The following EP300 variants were observed in gnomAD, a reference collection of about 807,000 sequenced individuals.
The protein encoded by EP300 is histone acetyltransferase p300.
Under a neutral mutation model 264.0 loss-of-function variants are expected in EP300, and 31 were observed. The ratio of observed to expected loss-of-function variants is 0.12; its 90% CI spans 0.09 to 0.16. EP300 has a LOEUF of 0.16. Among genes scored for constraint, EP300 ranks in the 10% least tolerant of loss-of-function variants. The pLI is 1.00. For missense variants in EP300, 2,766 were observed against 3,052.9 expected (o/e 0.91, Z 2.21); for synonymous variants, 1,340 against 1,045.4 (o/e 1.28, Z -5.44).
chr22:41,136,607 G>A (rs1290503762), intron 7 of EP300, among the ~76,000 whole-genome samples: 1 of 152,076 alleles, frequency 6.6e-6, no homozygotes, highest in Non-Finnish European at 1.5e-5. Flanking sequence ...GCTCTGGTGA[G>A]CCGTGATTAC....
intron 11 of EP300, 152 bp from the exon 12 acceptor site, chr22:41,147,685 C>G (rs559342084): frequency 6.6e-6 from 4 of 609,692 alleles, no homozygotes; most frequent in Admixed American, 2.4e-5. Flanking sequence ...TTGCAGTGAG[C>G]GGAGATTGCG....
intron 2 of EP300, among the ~76,000 whole-genome samples, chr22:41,119,173 T>TA (rs2058838148): frequency 1.4e-5 from 1 of 70,780 alleles, no homozygotes; most frequent in African/African-American, 6.3e-5. Flanking sequence ...TGGCTTATTA[T>TA]TATTTTTTTT....
In EP300 at chr22:41,117,303, G is replaced by A; in HGVS notation, c.211G>A (p.Val71Ile). Residue 71 changes from valine (V) to isoleucine (I), a missense_variant, in exon 2 of 31, where the codon GTA (valine) becomes ATA (isoleucine). Physicochemically the swap from Val to Ile is conservative, Grantham distance 29. Transcript: ENST00000263253. ...TCAGCTTCAGACAAGTCTTGGCATG[G>A]TACAAGATGCAGCTTCTAAACATAA... ...INQLQTSLGM[V>I]QDAASKHKQL... The A allele has an allele frequency of 6.2e-7, 1 of 1,614,180 alleles. No individual in the cohort carries two copies. Among genetic ancestry groups the A allele is most frequent in the Non-Finnish European group, 8.5e-7 (1 of 1,180,032 alleles).
chr22:41,162,398 C>G (rs539970071), intron 20 of EP300, among the ~76,000 whole-genome samples: 197 of 152,164 alleles, frequency 1.3e-3, no homozygotes, highest in African/African-American at 4.7e-3. Context: ...GTGTGTTATG[C>G]TGGGTTTCAG....
Position 41,120,357 on chromosome 22 carries a change from C to T in EP300, c.729+2536C>T, listed in dbSNP as rs146658516. Among the ~76,000 whole-genome samples, 42 of 152,250 alleles carry T rather than the reference C, an allele frequency of 2.8e-4. No individual in the cohort carries two copies. In the Middle Eastern group the frequency reaches 0.01, roughly 37 times the overall value. ...TTATCCTTGTGTCGTGGCACACCCACGCCAGCAGTTGCCCTTCCACTGTAC... is the reference window on the plus strand; with the variant it reads ...TTATCCTTGTGTCGTGGCACACCCATGCCAGCAGTTGCCCTTCCACTGTAC... On this transcript the variant is annotated intron_variant, in intron 2 of 30. Coordinates refer to ENST00000263253, the MANE Select transcript of EP300 (RefSeq NM_001429.4).
intron 2 of EP300, among the ~76,000 whole-genome samples, chr22:41,125,058 C>A (rs1012402479): frequency 6.6e-6 from 1 of 151,422 alleles, no homozygotes; most frequent in Admixed American, 6.6e-5. Context: ...CCTACCTCAG[C>A]CTCCTGAGTA....
At position 41,170,653 on chromosome 22, in the gene EP300, C is replaced by CT. The variant is rs35506286; in HGVS notation, c.4452+108dup. On this transcript the variant is annotated intron_variant, in intron 27 of 30. Transcript: ENST00000263253. ...TGCTGCTCTTTGTTCTGTCATTTAACTTTTTTTTTTTTTTTTTTTTTTTTT... is the reference window on the plus strand; with the variant it reads ...TGCTGCTCTTTGTTCTGTCATTTAACTTTTTTTTTTTTTTTTTTTTTTTTTT... 0.12 allele frequency: 45,950 copies of CT among 375,264 alleles called. 1,898 individuals carry two copies. The highest frequency in any genetic ancestry group is 0.16 in the East Asian group (2,707 of 17,078). The allele number at this position is 375,264 out of a possible 1,614,324, so 23.2% of individuals were successfully genotyped here. A position where few individuals can be genotyped will look rare whatever the true frequency, so the allele number is the denominator to read the frequency against.
chr22:41,117,154 A>T, intron 1 of EP300, 33 bp from the exon 2 acceptor site: 1 of 1,601,084 alleles, frequency 6.2e-7, no homozygotes, highest in Non-Finnish European at 8.6e-7. Context: ...GTTTTGTCAT[A>T]CTTTGACCTT....
intron 2 of EP300, among the ~76,000 whole-genome samples, chr22:41,121,518 C>T (rs1197411824): frequency 6.6e-6 from 1 of 151,978 alleles, no homozygotes; most frequent in African/African-American, 2.4e-5. Flanking sequence ...CTTTTTTGGT[C>T]ACAGTGACCA....
chr22:41,112,270 ACCTCTG>A (rs1345936677), intron 1 of EP300, among the ~76,000 whole-genome samples: 2 of 150,644 alleles, frequency 1.3e-5, no homozygotes, highest in Non-Finnish European at 2.9e-5. Context: ...GCTCACTGCA[ACCTCTG>A]CTCCCCTGGG....
rs1352652949 is a variant in EP300 at position 41,149,146 on chromosome 22, C to T, written c.2350C>T (p.Pro784Ser). The change falls in exon 13 of 31, where the codon CCG becomes TCG. Residue 784 changes from proline to serine, a missense_variant. Transcript: ENST00000263253. ...GMNVTNIPLA[P>S]SSGQAPVSQA... ...GAATGTAACAAATATCCCTTTGGCT[C>T]CGTCCAGCGGTCAAGCTCCAGTGTC... 4 of 1,613,874 alleles carry T rather than the reference C, an allele frequency of 2.5e-6. No individual in the cohort carries two copies. Among genetic ancestry groups the T allele is most frequent in the Non-Finnish European group, 3.4e-6 (4 of 1,179,992 alleles).
At chr22:41,107,861 C>T (rs893661877) in intron 1 of EP300, among the ~76,000 whole-genome samples, 2 of 151,674 alleles carry the variant, frequency 1.3e-5, no homozygotes, top group African/African-American at 4.8e-5. Context: ...CCACCACACC[C>T]AGCTAATTTT....
At chr22:41,153,971 T>C (rs556725178) in intron 16 of EP300, among the ~76,000 whole-genome samples, 34 of 152,220 alleles carry the variant, frequency 2.2e-4, no homozygotes, top group African/African-American at 7.9e-4. Context: ...CTTGCTGAAA[T>C]TGAAAGCTTT....
Position 41,178,388 on chromosome 22 carries a change from G to A in EP300, c.6677G>A (p.Arg2226Gln), listed in dbSNP as rs372813939. The A allele has an allele frequency of 1.6e-5, 26 of 1,613,980 alleles. No individual in the cohort carries two copies. Among genetic ancestry groups the A allele is most frequent in the Middle Eastern group, 1.6e-4 (1 of 6,084 alleles). ...GVGYPPQQQQ[R>Q]MQHHMQQMQQ... ...GGCTACCCACCACAGCAGCAGCAGCGGATGCAGCATCACATGCAACAGATG... is the reference window on the plus strand; with the variant it reads ...GGCTACCCACCACAGCAGCAGCAGCAGATGCAGCATCACATGCAACAGATG... The change falls in exon 31 of 31, where the codon CGG becomes CAG. Residue 2226 changes from arginine to glutamine, a missense_variant. Coordinates refer to ENST00000263253, the MANE Select transcript of EP300 (RefSeq NM_001429.4).
chr22:41,164,174 G>A (rs572352858), intron 22 of EP300, 44 bp downstream of exon 22: 33 of 1,555,716 alleles, frequency 2.1e-5, no homozygotes, highest in Middle Eastern at 1.7e-4. Context: ...TTTCTTTATC[G>A]TGAATATTAA....
At chr22:41,175,056 GT>G (rs1555911898) in intron 29 of EP300, among the ~76,000 whole-genome samples, 2 of 151,890 alleles carry the variant, frequency 1.3e-5, no homozygotes, top group Non-Finnish European at 1.5e-5. Context: ...GTTCTAATAC[GT>G]TAGGTAATGA....
In EP300 at chr22:41,117,825, A is replaced by G. The variant is rs1338769776; in HGVS notation, c.729+4A>G. The G allele has an allele frequency of 2.5e-6, 4 of 1,613,782 alleles. No individual in the cohort carries two copies. Among genetic ancestry groups the G allele is most frequent in the Non-Finnish European group, 3.4e-6 (4 of 1,180,024 alleles). ...GAGAGGCCCCCAGCCTCTTAAGGTA[A>G]GTACAGTTTTGGTTTGTGTGCACAA... is the stretch of plus-strand genomic sequence containing the variant. On this transcript the variant is annotated splice_donor_region_variant and intron_variant, in intron 2 of 30. Transcript: ENST00000263253.
chr22:41,128,507 TTTTA>T (rs988835741), intron 4 of EP300, among the ~76,000 whole-genome samples: 7 of 152,130 alleles, frequency 4.6e-5, no homozygotes, highest in South Asian at 2.1e-4. Context: ...AATTATTTTA[TTTTA>T]TTTATTTGTT....
At chr22:41,168,918 T>C in intron 25 of EP300, 51 bp downstream of exon 25, 1 of 1,611,908 alleles carries the variant, frequency 6.2e-7, no homozygotes, top group Non-Finnish European at 8.5e-7. Flanking sequence ...GAGTTCCAAC[T>C]TATAATAGGT....
Sources: gnomAD v4.1 joint callset for allele counts (sites outside exome capture counted in the v4.1 genomes callset) on GRCh38, gnomAD v4.1.1 for gene constraint, MANE v1.5 for transcripts, NCBI Gene and HGNC (gene_info 2026-07-23, HGNC 2026-07-21) for gene names.